Variants in ZNF609 observed in about 807,000 individuals in gnomAD.
ZNF609 encodes the protein zinc finger protein 609.
In ZNF609, 11 loss-of-function variants were observed where a neutral mutation model predicts 109.5. The ratio of observed to expected loss-of-function variants is 0.10; its 90% CI spans 0.06 to 0.17. The LOEUF (loss-of-function observed/expected upper bound fraction) is 0.17. Ranked by LOEUF, ZNF609 falls within the 10% of genes least tolerant of loss-of-function variation. ZNF609 has a pLI of 1.00. For missense variants in ZNF609, 1,559 were observed against 1,772.4 expected (o/e 0.88, Z 2.16); for synonymous variants, 646 against 662.0 (o/e 0.98, Z 0.37).
chr15:64,473,703 T>C (rs1486263105), intron 1 of ZNF609, among the ~76,000 whole-genome samples: 2 of 152,006 alleles, frequency 1.3e-5, no homozygotes, highest in East Asian at 3.9e-4. Flanking sequence ...CCTCCTGGGT[T>C]CAAGCGATTC....
At chr15:64,672,170 G>A (rs1384471914) in intron 4 of ZNF609, among the ~76,000 whole-genome samples, 2 of 149,846 alleles carry the variant, frequency 1.3e-5, no homozygotes, top group African/African-American at 2.4e-5. Context: ...CCGCCACCAC[G>A]CCCGGCTAAT....
intron 1 of ZNF609, among the ~76,000 whole-genome samples, chr15:64,482,890 T>C (rs943213851): frequency 1.3e-5 from 2 of 152,190 alleles, no homozygotes; most frequent in African/African-American, 4.8e-5. Context: ...TTTCTGACGG[T>C]AAATACTTGC....
At chr15:64,668,792 A>G (rs544815587) in intron 3 of ZNF609, among the ~76,000 whole-genome samples, 1 of 151,956 alleles carries the variant, frequency 6.6e-6, no homozygotes, top group Non-Finnish European at 1.5e-5. Flanking sequence ...TGTCTCTACT[A>G]AAAATACAAA....
chr15:64,516,087 A>G (rs951157716), intron 2 of ZNF609, among the ~76,000 whole-genome samples: 5 of 152,216 alleles, frequency 3.3e-5, no homozygotes, highest in Non-Finnish European at 5.9e-5. Context: ...GAGAAAAGTC[A>G]GGGAAGATAG....
At chr15:64,671,577 C>T (rs67799896) in intron 4 of ZNF609, among the ~76,000 whole-genome samples, 19,796 of 152,070 alleles carry the variant, frequency 0.13, 2,060 homozygotes, top group African/African-American at 0.29. Flanking sequence ...CTTTTCATGT[C>T]GCAATTTGAC....
At chr15:64,607,037 G>A (rs1357794403) in intron 2 of ZNF609, among the ~76,000 whole-genome samples, 3 of 152,044 alleles carry the variant, frequency 2.0e-5, no homozygotes, top group South Asian at 2.1e-4. Flanking sequence ...CCAGCTACTC[G>A]GGAGGCTGAG....
chr15:64,601,045 G>C (rs1321446472), intron 2 of ZNF609, among the ~76,000 whole-genome samples: 1 of 152,154 alleles, frequency 6.6e-6, no homozygotes, highest in Non-Finnish European at 1.5e-5. Context: ...TGAGTCCTCT[G>C]TGTTATGCCT....
chr15:64,632,595 C>T (rs1896101547), intron 3 of ZNF609, among the ~76,000 whole-genome samples: 1 of 151,994 alleles, frequency 6.6e-6, no homozygotes, highest in Non-Finnish European at 1.5e-5. Flanking sequence ...GATTCTCCTG[C>T]CTCAGCCTCC....
intron 2 of ZNF609, among the ~76,000 whole-genome samples, chr15:64,565,833 G>A (rs1437743996): frequency 2.0e-5 from 3 of 151,538 alleles, no homozygotes; most frequent in African/African-American, 7.3e-5. Flanking sequence ...TTTAATTGAA[G>A]TACTTTATTT....
intron 2 of ZNF609, among the ~76,000 whole-genome samples, chr15:64,540,353 A>G (rs1009788628): frequency 6.6e-6 from 1 of 152,164 alleles, no homozygotes; most frequent in African/African-American, 2.4e-5. Context: ...AGTAATCCAG[A>G]TTAGGTCATG....
chr15:64,598,503 C>G (rs966680226), intron 2 of ZNF609, among the ~76,000 whole-genome samples: 1 of 151,660 alleles, frequency 6.6e-6, no homozygotes, highest in South Asian at 2.1e-4. Context: ...TTTTAATTTT[C>G]TAACACTTCT....
chr15:64,467,270 C>T (rs1893028450), intron 1 of ZNF609, among the ~76,000 whole-genome samples: 1 of 152,182 alleles, frequency 6.6e-6, no homozygotes, highest in South Asian at 2.1e-4. Flanking sequence ...GTTCTCTGGT[C>T]ATTAGTGTCT....
chr15:64,623,580 G>C (rs551493691), intron 3 of ZNF609, among the ~76,000 whole-genome samples: 4 of 152,064 alleles, frequency 2.6e-5, no homozygotes, highest in Non-Finnish European at 5.9e-5. Context: ...TCTGTCACTT[G>C]GTACAGATTT....
intron 2 of ZNF609, among the ~76,000 whole-genome samples, chr15:64,602,889 A>ATTTTTTTTTGTTTTTTTTTT (rs1895525655): frequency 1.3e-5 from 1 of 75,166 alleles, no homozygotes. Flanking sequence ...CTCTGGGCTA[A>ATTTTTTTTTGTTTTTTTTTT]TTTTTTTTTT....
intron 2 of ZNF609, among the ~76,000 whole-genome samples, chr15:64,611,670 AAAAC>A (rs1426750210): frequency 3.9e-5 from 6 of 152,172 alleles, no homozygotes; most frequent in Admixed American, 2.0e-4. Flanking sequence ...TTCAAAAGCA[AAAAC>A]AAACAAAAAT....
chr15:64,599,443 G>A (rs182922897), intron 2 of ZNF609, among the ~76,000 whole-genome samples: 112 of 152,190 alleles, frequency 7.4e-4, no homozygotes, highest in African/African-American at 2.5e-3. Context: ...TATTTGTGCA[G>A]TAAATCATCT....
chr15:64,495,853 C>G (rs1254725933), intron 1 of ZNF609, among the ~76,000 whole-genome samples: 5 of 137,278 alleles, frequency 3.6e-5, no homozygotes, highest in Non-Finnish European at 6.2e-5. Context: ...CAATTTCATT[C>G]TGTCACCCAG....
chr15:64,612,326 T>C (rs1292751092), intron 2 of ZNF609, among the ~76,000 whole-genome samples: 2 of 151,636 alleles, frequency 1.3e-5, no homozygotes, highest in African/African-American at 4.9e-5. Context: ...TTTTTTTGTA[T>C]TTTTAGTGGA....
At chr15:64,564,844 T>C (rs2733381) in intron 2 of ZNF609, among the ~76,000 whole-genome samples, 109,049 of 146,958 alleles carry the variant, frequency 0.74, 43,349 homozygotes, top group East Asian at 0.95. Flanking sequence ...TCACTAACTG[T>C]TTTTTTTTTT....
Sources: gnomAD v4.1 joint callset for allele counts (sites outside exome capture counted in the v4.1 genomes callset) on GRCh38, gnomAD v4.1.1 for gene constraint, MANE v1.5 for transcripts, NCBI Gene and HGNC (gene_info 2026-07-23, HGNC 2026-07-21) for gene names.